The following TRPC7 variants were observed in gnomAD, a reference collection of about 807,000 sequenced individuals.
The protein encoded by TRPC7 is transient receptor potential cation channel subfamily C member 7.
In TRPC7, 42 loss-of-function variants were observed where a neutral mutation model predicts 90.1. The ratio of observed to expected loss-of-function variants is 0.47; its 90% CI spans 0.36 to 0.60. The LOEUF is 0.60. TRPC7 is among the 20% of genes least tolerant of loss of function. TRPC7 has a pLI of 0.00. For synonymous variants in TRPC7, 451 were observed against 436.3 expected (o/e 1.03, Z -0.42); for missense variants, 955 against 1,112.3 (o/e 0.86, Z 2.01).
At chr5:136,241,719 C>A (rs1203059564) in intron 7 of TRPC7, among the ~76,000 whole-genome samples, 1 of 152,162 alleles carries the variant, frequency 6.6e-6, no homozygotes, top group Non-Finnish European at 1.5e-5. Context: ...CCACGCCCAG[C>A]TAATTTTTGT....
chr5:136,364,950 A>G (rs1453873193), intron 1 of TRPC7, among the ~76,000 whole-genome samples: 1 of 152,128 alleles, frequency 6.6e-6, no homozygotes, highest in Non-Finnish European at 1.5e-5. Context: ...AAGGGAAAGA[A>G]GAGACAACAC....
intron 10 of TRPC7, among the ~76,000 whole-genome samples, chr5:136,220,486 C>T (rs1339318244): frequency 1.3e-5 from 2 of 152,168 alleles, no homozygotes; most frequent in Non-Finnish European, 2.9e-5. Flanking sequence ...TGGTCTCCTG[C>T]AGTACCCTCA....
chr5:136,318,854 T>A (rs1759107530), intron 2 of TRPC7, among the ~76,000 whole-genome samples: 1 of 152,094 alleles, frequency 6.6e-6, no homozygotes, highest in Non-Finnish European at 1.5e-5. Flanking sequence ...GTTTTTTTTT[T>A]ACCCACCTTA....
rs553762435 is a variant in TRPC7 at position 136,345,737 on chromosome 5, C to T, written c.780+10871G>A. 2.2e-3 allele frequency among the ~76,000 whole-genome samples: 332 copies of T among 152,230 alleles called. 3 individuals carry two copies. Among genetic ancestry groups the T allele is most frequent in the Admixed American group, 9.9e-3 (151 of 15,292 alleles). The stretch of plus-strand genomic sequence containing the variant: ...CATTTGTCAATTTTGGCTTTTGTTG[C>T]CATTGCTTTTGGTGTTTTAGACATG... On this transcript the variant is annotated intron_variant, in intron 2 of 11. Coordinates refer to ENST00000513104, the MANE Select transcript of TRPC7 (RefSeq NM_020389.3).
At chr5:136,271,946 G>A (rs1757225247) in intron 4 of TRPC7, among the ~76,000 whole-genome samples, 1 of 152,152 alleles carries the variant, frequency 6.6e-6, no homozygotes, top group African/African-American at 2.4e-5. Flanking sequence ...CAGTCATTAT[G>A]GCTGGCTAAT....
intron 2 of TRPC7, among the ~76,000 whole-genome samples, chr5:136,316,360 A>C (rs1307833184): frequency 6.6e-6 from 1 of 152,224 alleles, no homozygotes; most frequent in Non-Finnish European, 1.5e-5. Flanking sequence ...TTGGAAAAAA[A>C]AATTGCACAG....
intron 2 of TRPC7, among the ~76,000 whole-genome samples, chr5:136,355,685 C>T (rs1222387047): frequency 1.3e-5 from 2 of 152,138 alleles, no homozygotes; most frequent in Non-Finnish European, 2.9e-5. Flanking sequence ...GTAGTCCCAG[C>T]TACTTGGGAG....
intron 2 of TRPC7, among the ~76,000 whole-genome samples, chr5:136,350,808 C>G (rs1332689502): frequency 6.6e-6 from 1 of 152,164 alleles, no homozygotes; most frequent in Non-Finnish European, 1.5e-5. Context: ...TGATATCCAT[C>G]AGCTTTCTTT....
chr5:136,292,926 C>T (rs1758014876), intron 3 of TRPC7, among the ~76,000 whole-genome samples: 1 of 152,176 alleles, frequency 6.6e-6, no homozygotes, highest in Non-Finnish European at 1.5e-5. Flanking sequence ...TCCAGCAACA[C>T]ATCAAAAAGC....
intron 5 of TRPC7, among the ~76,000 whole-genome samples, chr5:136,253,701 C>T (rs2149806830): frequency 6.6e-6 from 1 of 152,312 alleles, no homozygotes; most frequent in South Asian, 2.1e-4. Flanking sequence ...TCCCCTCGGG[C>T]CTCCTATTCC....
intron 3 of TRPC7, among the ~76,000 whole-genome samples, chr5:136,275,136 T>C (rs1345771121): frequency 6.6e-6 from 1 of 152,206 alleles, no homozygotes; most frequent in Non-Finnish European, 1.5e-5. Flanking sequence ...GGTACATGCT[T>C]GTCTTCAATT....
At chr5:136,223,571 C>T (rs369565782) in intron 10 of TRPC7, among the ~76,000 whole-genome samples, 5 of 151,204 alleles carry the variant, frequency 3.3e-5, no homozygotes, top group African/African-American at 9.7e-5. Context: ...CGAGATCGCA[C>T]GATTGCACAC....
At chr5:136,224,150 C>A (rs1017245330) in intron 10 of TRPC7, among the ~76,000 whole-genome samples, 1 of 152,090 alleles carries the variant, frequency 6.6e-6, no homozygotes, top group Non-Finnish European at 1.5e-5. Flanking sequence ...CACCTCCACC[C>A]AAAGGAATGC....
chr5:136,360,410 T>C (rs1235180440), intron 1 of TRPC7, among the ~76,000 whole-genome samples: 1 of 152,192 alleles, frequency 6.6e-6, no homozygotes, highest in Non-Finnish European at 1.5e-5. Flanking sequence ...TTTGGACAAA[T>C]AATTTCTGCA....
intron 8 of TRPC7, among the ~76,000 whole-genome samples, chr5:136,228,717 T>C (rs1033099780): frequency 2.0e-5 from 3 of 152,048 alleles, no homozygotes; most frequent in Non-Finnish European, 4.4e-5. Flanking sequence ...CCCAATAAAT[T>C]AGTGTCCTCA....
intron 2 of TRPC7, among the ~76,000 whole-genome samples, chr5:136,329,832 G>A (rs1049740811): frequency 1.3e-5 from 2 of 152,194 alleles, no homozygotes; most frequent in South Asian, 4.1e-4. Context: ...ACTCCTGGAA[G>A]AGCCTCTCCT....
chr5:136,257,177 TTTTC>T (rs941794650), intron 5 of TRPC7, among the ~76,000 whole-genome samples: 2 of 152,016 alleles, frequency 1.3e-5, no homozygotes, highest in African/African-American at 2.4e-5. Flanking sequence ...TTTAAAATGT[TTTTC>T]TTTCTTTTTT....
rs1039011780 is a variant in TRPC7, at chr5:136,283,842, A to T, written c.964-9005T>A. On this transcript the variant is annotated intron_variant, in intron 3 of 11. Coordinates refer to ENST00000513104, the MANE Select transcript of TRPC7 (RefSeq NM_020389.3). ...CAGAGTTCTAGTTCTTTTTCATGTG[A>T]TTCTGGGCCTTATGCAAACAATGGG... Among the ~76,000 whole-genome samples the T allele has an allele frequency of 7.2e-5, 11 of 152,224 alleles. No individual in the cohort carries two copies. In the East Asian group the frequency reaches 1.5e-3, roughly 21 times the overall value.
chr5:136,293,680 A>T (rs1385580985), intron 3 of TRPC7, among the ~76,000 whole-genome samples: 1 of 152,242 alleles, frequency 6.6e-6, no homozygotes, highest in Non-Finnish European at 1.5e-5. Context: ...GCTCATGGGT[A>T]GGAAGAATCA....
Sources: gnomAD v4.1 joint callset for allele counts (sites outside exome capture counted in the v4.1 genomes callset) on GRCh38, gnomAD v4.1.1 for gene constraint, MANE v1.5 for transcripts, NCBI Gene and HGNC (gene_info 2026-07-23, HGNC 2026-07-21) for gene names.